Variants in RXRA observed in about 807,000 individuals in gnomAD.
RXRA encodes the protein retinoid X receptor alpha.
Under a neutral mutation model 44.5 loss-of-function variants are expected in RXRA, and 5 were observed. The observed-to-expected ratio is 0.11, with a 90% CI of 0.06 to 0.24. RXRA has a LOEUF of 0.24. RXRA is among the 10% of genes least tolerant of loss of function. The probability of loss-of-function intolerance (pLI) is 1.00; values close to 1 mark genes in which losing one functional copy is unlikely to be tolerated. For synonymous variants in RXRA, 291 were observed against 271.4 expected, an observed-to-expected ratio of 1.07 and a Z score of -0.71; for missense variants, 412 against 646.5, an observed-to-expected ratio of 0.64 and a Z score of 3.93.
Position 134,439,298 on chromosome 9 carries a change from AC to A in RXRA, c.*2688del, listed in dbSNP as rs998342541. On this transcript the variant is annotated 3_prime_UTR_variant, in exon 10 of 10. Transcript: ENST00000481739. ...TGGCTGCTTCCTGGGGACCCAGGGC[AC>A]CCCGGCACCTTCAGGCACGCTCCTC... 1 of 152,000 alleles carries A rather than the reference AC, an allele frequency of 6.6e-6. No individual in the cohort carries two copies. The highest frequency in any genetic ancestry group is 6.5e-5 in the Admixed American group (1 of 15,274). 9.4% of individuals were successfully genotyped at this position (152,000 alleles called of 1,614,324 possible).
chr9:134,411,066 A>G (rs1161938444), intron 4 of RXRA, among the ~76,000 whole-genome samples: 2 of 152,300 alleles, frequency 1.3e-5, no homozygotes, highest in East Asian at 1.9e-4. Context: ...GAGGAATGAA[A>G]AGGTGTCGGC....
Position 134,346,199 on chromosome 9 carries a change from C to T in RXRA, c.28+19540C>T, listed in dbSNP as rs185304442. 1.7e-3 allele frequency among the ~76,000 whole-genome samples: 263 copies of T among 152,252 alleles called. 1 individual carries two copies. The Middle Eastern group carries it at 0.027, about 16-fold the overall frequency. On this transcript the variant is annotated intron_variant, in intron 1 of 9. Transcript: ENST00000481739. ...CCCTCCTCTTTAGTTCCTCCTGTTC[C>T]GCTGTGGTCCTAGGGGTGGAGTCCC... is the stretch of plus-strand genomic sequence containing the variant.
At chr9:134,387,974 C>T (rs1194414467) in intron 1 of RXRA, among the ~76,000 whole-genome samples, 2 of 152,152 alleles carry the variant, frequency 1.3e-5, no homozygotes, top group Non-Finnish European at 2.9e-5. Context: ...GGTTTGAATT[C>T]AGATCCCTTC....
Position 134,407,877 on chromosome 9 carries a change from G to T in RXRA, c.280-272G>T, listed in dbSNP as rs569109046. Among the ~76,000 whole-genome samples the T allele has an allele frequency of 6.6e-5, 10 of 152,096 alleles. No homozygotes were observed. The East Asian group carries it at 1.6e-3, about 24-fold the overall frequency. ...GCAAGCAGGGACCGCCCATGTGTTG[G>T]GGGGGGTGTTGAAGGTCCTTTTCCA... On this transcript the variant is annotated intron_variant, in intron 2 of 9. Transcript: ENST00000481739. The surrounding 1 kb of genome is among the most constrained non-coding windows in gnomAD (Gnocchi z 4.8).
At chr9:134,378,157 C>T (rs1361609320) in intron 1 of RXRA, among the ~76,000 whole-genome samples, 2 of 152,356 alleles carry the variant, frequency 1.3e-5, no homozygotes, top group Non-Finnish European at 2.9e-5. Flanking sequence ...AGGGCCGGGG[C>T]AGAGGGCACA....
At chr9:134,338,389 AC>A (rs1830039395) in intron 1 of RXRA, among the ~76,000 whole-genome samples, 1 of 152,222 alleles carries the variant, frequency 6.6e-6, no homozygotes, top group Non-Finnish European at 1.5e-5. Context: ...GCTGCAGGAC[AC>A]AGGCCACTTC....
intron 1 of RXRA, among the ~76,000 whole-genome samples, chr9:134,374,668 G>T (rs1023478596): frequency 3.9e-5 from 6 of 152,248 alleles, no homozygotes; most frequent in African/African-American, 1.2e-4. Context: ...GCCTGGGGAG[G>T]CACAGCAAGT....
At chr9:134,418,208 CCA>C (rs1831272388) in intron 5 of RXRA, among the ~76,000 whole-genome samples, 1 of 152,160 alleles carries the variant, frequency 6.6e-6, no homozygotes, top group South Asian at 2.1e-4. Flanking sequence ...GTCCCAGGCC[CCA>C]CTGAGGGGGT....
intron 5 of RXRA, among the ~76,000 whole-genome samples, chr9:134,419,803 C>T (rs1399832969): frequency 1.3e-5 from 2 of 152,202 alleles, no homozygotes; most frequent in Non-Finnish European, 2.9e-5. Flanking sequence ...ACCTAGGGGA[C>T]CCCCTCCAGG....
chr9:134,330,476 C>T (rs1233996738), intron 1 of RXRA, among the ~76,000 whole-genome samples: 1 of 152,156 alleles, frequency 6.6e-6, no homozygotes, highest in African/African-American at 2.4e-5. Context: ...GACCTTTGTC[C>T]TGAGATTCTT....
At chr9:134,416,396 C>T (rs1887309) in intron 4 of RXRA, among the ~76,000 whole-genome samples, 84,780 of 152,030 alleles carry the variant, frequency 0.56, 26,386 homozygotes, top group East Asian at 0.76. Context: ...CTGCAAGCAT[C>T]GCTCTATTTT....
intron 1 of RXRA, among the ~76,000 whole-genome samples, chr9:134,331,123 T>C (rs948691603): frequency 6.6e-6 from 1 of 152,206 alleles, no homozygotes; most frequent in Non-Finnish European, 1.5e-5. Flanking sequence ...GAGCGCTCGC[T>C]GCTGCTGGGT....
rs1378287819 is a variant in RXRA, at chr9:134,417,086, G to A, written c.611-72G>A. 1.9e-5 allele frequency: 28 copies of A among 1,505,804 alleles called. No individual in the cohort carries two copies. The East Asian group carries it at 6.0e-4, about 32-fold the overall frequency. The allele number at this position is 1,505,804 out of a possible 1,614,324, so 93.3% of individuals were successfully genotyped here. Reference sequence around the variant, plus strand: ...GTTGGCTGGGAGCTGGCACCACCCGGCCAGGACAGCCTTCCCTGGGAGCCA... The same window carrying A: ...GTTGGCTGGGAGCTGGCACCACCCGACCAGGACAGCCTTCCCTGGGAGCCA... On this transcript the variant is annotated intron_variant, in intron 4 of 9. Transcript: ENST00000481739. This position sits in a 1 kb window ranked among gnomAD's most constrained non-coding sequence, Gnocchi z 6.1.
In RXRA at chr9:134,436,552, G is replaced by A; in HGVS notation, c.1327G>A (p.Gly443Arg). 6.2e-7 allele frequency: 1 copy of A among 1,614,166 alleles called. No homozygotes were observed. The highest frequency in any genetic ancestry group is 8.5e-7 in the Non-Finnish European group (1 of 1,180,034). The change falls in exon 10 of 10, where the codon GGG becomes AGG. Residue 443 changes from glycine (G) to arginine (R), a missense_variant. Gly to Arg is a moderately radical substitution (Grantham distance 125). Around this residue, in one of 4 missense-constraint regions of RXRA, gnomAD observed 141 missense variants for 270.8 expected, o/e 0.52. Coordinates refer to ENST00000481739, the MANE Select transcript of RXRA (RefSeq NM_002957.6). ...ACATCTCTTCTTCTTCAAGCTCATCGGGGACACACCCATTGACACCTTCCT... is the reference window on the plus strand; with the variant it reads ...ACATCTCTTCTTCTTCAAGCTCATCAGGGACACACCCATTGACACCTTCCT... ...LEHLFFFKLI[G>R]DTPIDTFLME... is the part of the protein sequence containing the mutation.
intron 4 of RXRA, among the ~76,000 whole-genome samples, chr9:134,413,330 T>G (rs1831180394): frequency 6.6e-6 from 1 of 151,326 alleles, no homozygotes; most frequent in Non-Finnish European, 1.5e-5. Flanking sequence ...TGTGGTGTGG[T>G]ATGTGTGGTG....
intron 1 of RXRA, among the ~76,000 whole-genome samples, chr9:134,398,727 C>A (rs1206790911): frequency 6.6e-6 from 1 of 152,202 alleles, no homozygotes; most frequent in Non-Finnish European, 1.5e-5. Flanking sequence ...TGAAAGAATC[C>A]AGGAGTGTCT....
chr9:134,354,824 C>G (rs1830264178), intron 1 of RXRA, among the ~76,000 whole-genome samples: 1 of 152,276 alleles, frequency 6.6e-6, no homozygotes, highest in Admixed American at 6.5e-5. Context: ...TGTCCTCGTC[C>G]TGGATTTGCC....
intron 1 of RXRA, among the ~76,000 whole-genome samples, chr9:134,326,994 C>G (rs1383960549): frequency 2.0e-5 from 3 of 151,600 alleles, no homozygotes; most frequent in Non-Finnish European, 4.4e-5. Context: ...AGGAACCCGG[C>G]CGGAGCGGGA....
chr9:134,431,499 T>G (rs971330537), intron 7 of RXRA, among the ~76,000 whole-genome samples: 5 of 152,102 alleles, frequency 3.3e-5, no homozygotes, highest in Non-Finnish European at 5.9e-5. Context: ...TTGCCTCAGG[T>G]GGTGCTGGGT....
Sources: allele counts gnomAD v4.1 joint callset (sites outside exome capture counted in the v4.1 genomes callset), GRCh38; gene constraint gnomAD v4.1.1; regional missense constraint gnomAD v4.1.1; non-coding constraint Gnocchi (gnomAD v3.1); transcripts MANE v1.5; gene names NCBI Gene and HGNC (gene_info 2026-07-23, HGNC 2026-07-21).